Variants in SCUBE1 observed in about 807,000 individuals in gnomAD.
SCUBE1 encodes the protein signal peptide, CUB and EGF-like domain-containing protein 1.
SCUBE1 carries 59 observed loss-of-function variants against 124.4 expected under a neutral mutation model. The observed-to-expected ratio is 0.47, with a 90% CI of 0.38 to 0.59. The LOEUF (loss-of-function observed/expected upper bound fraction) is 0.59, where lower values mean the gene tolerates loss of function less well. SCUBE1 is among the 20% of genes least tolerant of loss of function. The pLI, the probability that SCUBE1 is intolerant of heterozygous loss-of-function variation, is 0.00. For synonymous variants in SCUBE1, 545 were observed against 550.9 expected (o/e 0.99, Z 0.15); for missense variants, 1,150 against 1,371.2 (o/e 0.84, Z 2.55).
At chr22:43,300,144 G>T (rs1925714850) in intron 3 of SCUBE1, among the ~76,000 whole-genome samples, 1 of 152,088 alleles carries the variant, frequency 6.6e-6, no homozygotes, top group Admixed American at 6.5e-5. Flanking sequence ...GATACCTGGG[G>T]GTGGCACTGT....
chr22:43,280,005 C>A (rs956754322), intron 4 of SCUBE1, among the ~76,000 whole-genome samples: 1 of 152,216 alleles, frequency 6.6e-6, no homozygotes, highest in South Asian at 2.1e-4. Flanking sequence ...TCAAGCCAAT[C>A]AAGTCCCTGC....
intron 10 of SCUBE1, among the ~76,000 whole-genome samples, chr22:43,223,836 C>T (rs1000004043): frequency 1.3e-5 from 2 of 152,218 alleles, no homozygotes; most frequent in African/African-American, 4.8e-5. Flanking sequence ...GTGACAGCCT[C>T]GCACTCTGGT....
chr22:43,208,395 A>G (rs1457134097), intron 19 of SCUBE1, among the ~76,000 whole-genome samples, 171 bp from the exon 20 acceptor site: 1 of 151,540 alleles, frequency 6.6e-6, no homozygotes, highest in East Asian at 1.9e-4. Context: ...GCCCTTCCCT[A>G]CCCTCAACCC....
rs575982903 is a variant in SCUBE1, at chr22:43,225,031, T to G, written c.1208-1815A>C. Among the ~76,000 whole-genome samples, 23 of 152,284 alleles carry G rather than the reference T, an allele frequency of 1.5e-4. 1 individual carries two copies. The South Asian group carries it at 4.8e-3, about 32-fold the overall frequency. ...CATCAAAACTAATACATTAATATAT[T>G]TAAGAGGAGCTCTAAAATGTTAGGA... On this transcript the variant is annotated intron_variant, in intron 10 of 21. Transcript: ENST00000360835.
intron 4 of SCUBE1, among the ~76,000 whole-genome samples, chr22:43,281,638 G>A (rs911326046): frequency 1.4e-5 from 2 of 145,870 alleles, no homozygotes; most frequent in South Asian, 2.1e-4. Context: ...CACCTCCCCT[G>A]GCCATCCTCC....
At chr22:43,268,047 C>T (rs1237545915) in intron 4 of SCUBE1, among the ~76,000 whole-genome samples, 1 of 152,228 alleles carries the variant, frequency 6.6e-6, no homozygotes, top group Non-Finnish European at 1.5e-5. Context: ...GAAGGACCCC[C>T]CGGGCCTCCT....
At chr22:43,262,640 C>T in intron 5 of SCUBE1, 80 bp downstream of exon 5, 1 of 1,569,674 alleles carries the variant, frequency 6.4e-7, no homozygotes, top group Non-Finnish European at 8.7e-7. Context: ...GGCCAAAGTC[C>T]AGCAGACTGG....
intron 3 of SCUBE1, among the ~76,000 whole-genome samples, chr22:43,304,868 C>T (rs1426138941): frequency 6.6e-6 from 1 of 152,116 alleles, no homozygotes; most frequent in Non-Finnish European, 1.5e-5. Context: ...CTTTGCACAC[C>T]CCTAGTATTA....
Position 43,287,667 on chromosome 22 carries a change from G to T in SCUBE1, c.484+3379C>A, listed in dbSNP as rs191881461. On this transcript the variant is annotated intron_variant, in intron 4 of 21. Coordinates refer to ENST00000360835, the MANE Select transcript of SCUBE1 (RefSeq NM_173050.5). The stretch of plus-strand genomic sequence containing the variant: ...TCCCTGTTCAGGGGTAGGCTCCAAA[G>T]AGCTGGACAGGCATGAGGAAGAGTC... Among the ~76,000 whole-genome samples the T allele has an allele frequency of 2.4e-3, 363 of 152,352 alleles. 2 individuals are homozygous for T. Among genetic ancestry groups the T allele is most frequent in the Middle Eastern group, 0.01 (3 of 294 alleles).
Position 43,202,837 on chromosome 22 carries a change from TC to T in SCUBE1, c.*1159del, listed in dbSNP as rs1370739275. 3.3e-5 allele frequency: 5 copies of T among 152,312 alleles called. No individual in the cohort carries two copies. The highest frequency in any genetic ancestry group is 5.9e-5 in the Non-Finnish European group (4 of 68,126). The allele number at this position is 152,312 out of a possible 1,614,324, so 9.4% of individuals were successfully genotyped here. ...GCCTCTGACAGCAAGCTCTGCTCTC[TC>T]CCCTTTCCTCACTGGCCGCTCTGAG... On this transcript the variant is annotated 3_prime_UTR_variant, in exon 22 of 22. Transcript: ENST00000360835.
At chr22:43,262,695 G>A in intron 5 of SCUBE1, 25 bp downstream of exon 5, 1 of 1,611,600 alleles carries the variant, frequency 6.2e-7, no homozygotes, top group Non-Finnish European at 8.5e-7. Flanking sequence ...CGGGACGTTT[G>A]ACCCATTTGT....
At chr22:43,284,388 G>A (rs1247152407) in intron 4 of SCUBE1, among the ~76,000 whole-genome samples, 2 of 152,242 alleles carry the variant, frequency 1.3e-5, no homozygotes, top group Non-Finnish European at 2.9e-5. Context: ...GGTGCTTAAA[G>A]AGGCATACTC....
At chr22:43,284,300 G>T (rs1925044187) in intron 4 of SCUBE1, among the ~76,000 whole-genome samples, 1 of 152,248 alleles carries the variant, frequency 6.6e-6, no homozygotes, top group South Asian at 2.1e-4. Context: ...GCCGACTCAG[G>T]CTGTTCCCGT....
At position 43,234,853 on chromosome 22, in the gene SCUBE1, G is replaced by A. The variant is rs776752344; in HGVS notation, c.845-2978C>T. Reference sequence around the variant, plus strand: ...AGAGCTTCCCTTCCAGCCCGGCCAGGCTGCTTTGCCTCCTTTCTCCAGGCT... The same window carrying A: ...AGAGCTTCCCTTCCAGCCCGGCCAGACTGCTTTGCCTCCTTTCTCCAGGCT... On this transcript the variant is annotated intron_variant, in intron 7 of 21. Transcript: ENST00000360835. The surrounding 1 kb of genome is among the most constrained non-coding windows in gnomAD (Gnocchi z 4.4). Among the ~76,000 whole-genome samples the A allele has an allele frequency of 2.0e-5, 3 of 152,186 alleles. No homozygotes were observed. Among genetic ancestry groups the A allele is most frequent in the African/African-American group, 7.2e-5 (3 of 41,448 alleles).
rs1416673816 is a variant in SCUBE1 at position 43,262,628 on chromosome 22, C to T, written c.610+92G>A. 6 of 1,528,700 alleles carry T rather than the reference C, an allele frequency of 3.9e-6. No individual in the cohort carries two copies. In the African/African-American group the frequency reaches 6.9e-5, roughly 17 times the overall value. 94.7% of individuals were successfully genotyped at this position (1,528,700 alleles called of 1,614,324 possible). ...CACCCCATGGGGCTGGGGACCCTCC[C>T]TGGCCAAAGTCCAGCAGACTGGACA... On this transcript the variant is annotated intron_variant, in intron 5 of 21. Transcript: ENST00000360835.
chr22:43,228,331 C>T (rs1365093794), intron 9 of SCUBE1, among the ~76,000 whole-genome samples: 2 of 152,190 alleles, frequency 1.3e-5, no homozygotes, highest in Non-Finnish European at 2.9e-5. Flanking sequence ...GCCCACCCTG[C>T]CCCGGCTCCA....
intron 3 of SCUBE1, among the ~76,000 whole-genome samples, chr22:43,315,912 G>A (rs903229368): frequency 6.6e-6 from 1 of 152,186 alleles, no homozygotes; most frequent in African/African-American, 2.4e-5. Flanking sequence ...ACTTGCTGTA[G>A]CCAAGAACAG....
At chr22:43,330,061 AG>A (rs1926856043) in intron 2 of SCUBE1, among the ~76,000 whole-genome samples, 1 of 151,378 alleles carries the variant, frequency 6.6e-6, no homozygotes, top group South Asian at 2.1e-4. Flanking sequence ...GGGGAATTAG[AG>A]AAAAAAAAAA....
chr22:43,309,041 G>T (rs900566768), intron 3 of SCUBE1, among the ~76,000 whole-genome samples: 7 of 152,002 alleles, frequency 4.6e-5, no homozygotes, highest in African/African-American at 1.7e-4. Context: ...AGCGGACCGT[G>T]GGCAGCAGCT....
Sources: allele counts gnomAD v4.1 joint callset (sites outside exome capture counted in the v4.1 genomes callset), GRCh38; gene constraint gnomAD v4.1.1; non-coding constraint Gnocchi (gnomAD v3.1); transcripts MANE v1.5; gene names NCBI Gene and HGNC (gene_info 2026-07-23, HGNC 2026-07-21).